The following FARP1 variants were observed in gnomAD, a reference collection of about 807,000 sequenced individuals.
FARP1 encodes the protein FERM, ARHGEF and pleckstrin domain-containing protein 1.
Under a neutral mutation model 128.8 loss-of-function variants are expected in FARP1, and 52 were observed. That is an observed-to-expected ratio of 0.40 (90% CI 0.32 to 0.51). FARP1 has a LOEUF of 0.51. Among genes scored for constraint, FARP1 ranks in the 20% least tolerant of loss-of-function variants. The probability of loss-of-function intolerance (pLI) is 0.45; values close to 1 mark genes in which losing one functional copy is unlikely to be tolerated. For missense variants in FARP1, 1,333 were observed against 1,367.9 expected (o/e 0.97, Z 0.40); for synonymous variants, 580 against 551.8 (o/e 1.05, Z -0.72).
intron 2 of FARP1, among the ~76,000 whole-genome samples, chr13:98,339,922 T>G (rs1887894789): frequency 1.3e-5 from 2 of 152,148 alleles, no homozygotes; most frequent in African/African-American, 2.4e-5. Flanking sequence ...CTGCAGGTTC[T>G]AGGACTCAAC....
chr13:98,243,368 A>C (rs1023019014), intron 2 of FARP1, among the ~76,000 whole-genome samples: 1 of 152,076 alleles, frequency 6.6e-6, no homozygotes, highest in African/African-American at 2.4e-5. Flanking sequence ...TTATGAAGAG[A>C]GACTTCTTTT....
intron 2 of FARP1, among the ~76,000 whole-genome samples, chr13:98,237,197 G>A (rs1214708810): frequency 2.6e-5 from 4 of 151,454 alleles, no homozygotes; most frequent in Admixed American, 6.6e-5. Context: ...CCAGGTACTC[G>A]GGAGGCTGAG....
intron 2 of FARP1, among the ~76,000 whole-genome samples, chr13:98,284,676 C>G (rs1202082935): frequency 6.6e-6 from 1 of 152,126 alleles, no homozygotes; most frequent in African/African-American, 2.4e-5. Flanking sequence ...CCCTTTGTCC[C>G]TCAATGTTTT....
chr13:98,142,723 GA>G (rs1027530465), upstream of FARP1: 19 of 152,698 alleles, frequency 1.2e-4, no homozygotes, highest in African/African-American at 4.6e-4. Flanking sequence ...CCGAGCCCCT[GA>G]CCGCCCGCCT....
intron 1 of FARP1, among the ~76,000 whole-genome samples, chr13:98,151,937 C>T (rs1284381762): frequency 6.6e-6 from 1 of 152,064 alleles, no homozygotes; most frequent in East Asian, 1.9e-4. Flanking sequence ...GCTGGGATTA[C>T]AGGTGTGAGC....
At chr13:98,184,017 G>A (rs921317637) in intron 1 of FARP1, among the ~76,000 whole-genome samples, 2 of 151,994 alleles carry the variant, frequency 1.3e-5, no homozygotes, top group African/African-American at 4.8e-5. Flanking sequence ...ACATCCACAT[G>A]GTTTCTCCTT....
intron 1 of FARP1, chr13:98,208,641 G>GGACC (rs1398673170): frequency 6.5e-6 from 1 of 152,952 alleles, no homozygotes. Context: ...AGGCTTTGAT[G>GGACC]GACCGTAGGT....
rs565509416 is a variant in FARP1, at chr13:98,240,230, T to C, written c.171+26817T>C. Among the ~76,000 whole-genome samples the C allele has an allele frequency of 2.0e-5, 3 of 152,246 alleles. No homozygotes were observed. In the South Asian group the frequency reaches 6.2e-4, roughly 32 times the overall value. Reference sequence around the variant, plus strand: ...GGTAGACGCACGTTTTTTGGGACTTTTGGAAAAGGAACACGCGATGACGAA... The same window carrying C: ...GGTAGACGCACGTTTTTTGGGACTTCTGGAAAAGGAACACGCGATGACGAA... On this transcript the variant is annotated intron_variant, in intron 2 of 26. Coordinates refer to ENST00000319562, the MANE Select transcript of FARP1 (RefSeq NM_005766.4).
rs116133304 is a variant in FARP1, at chr13:98,367,532, A to G, written c.320-585A>G. 7.3e-4 allele frequency among the ~76,000 whole-genome samples: 110 copies of G among 150,702 alleles called. 1 individual carries two copies. Among genetic ancestry groups the G allele is most frequent in the African/African-American group, 2.5e-3 (101 of 40,968 alleles). ...TCTGAAAAGTTGTTCATCTTATTCA[A>G]TCTCTCCCTCCCCTCACTCCCTATC... On this transcript the variant is annotated intron_variant, in intron 4 of 26. Coordinates refer to ENST00000319562, the MANE Select transcript of FARP1 (RefSeq NM_005766.4).
At chr13:98,228,080 C>T (rs951420324) in intron 2 of FARP1, among the ~76,000 whole-genome samples, 8 of 152,104 alleles carry the variant, frequency 5.3e-5, no homozygotes, top group East Asian at 1.9e-4. Context: ...TAAAATGGGC[C>T]GGGCGTGGTG....
intron 8 of FARP1, among the ~76,000 whole-genome samples, chr13:98,386,705 T>C (rs1942383093): frequency 6.6e-6 from 1 of 152,160 alleles, no homozygotes; most frequent in Admixed American, 6.5e-5. Flanking sequence ...TCTCATGAAA[T>C]AGGATCAGAT....
chr13:98,252,744 C>G (rs1199998210), intron 2 of FARP1, among the ~76,000 whole-genome samples: 2 of 152,150 alleles, frequency 1.3e-5, no homozygotes, highest in Non-Finnish European at 2.9e-5. Context: ...GGATGTAAGT[C>G]AATGTCAAAG....
chr13:98,189,026 G>A (rs989872777), intron 1 of FARP1, among the ~76,000 whole-genome samples: 1 of 152,168 alleles, frequency 6.6e-6, no homozygotes, highest in Non-Finnish European at 1.5e-5. Context: ...CTCAGGGCAG[G>A]AGTGTCTTTC....
intron 6 of FARP1, among the ~76,000 whole-genome samples, chr13:98,379,236 A>ATAATATATAATCT (rs1187799069): frequency 8.8e-5 from 11 of 125,604 alleles, no homozygotes; most frequent in African/African-American, 3.1e-4. Flanking sequence ...ATCTATATAT[A>ATAATATATAATCT]ATCTATATAT....
At chr13:98,305,116 A>ATTT (rs912492212) in intron 2 of FARP1, among the ~76,000 whole-genome samples, 1,662 of 24,468 alleles carry the variant, frequency 0.068, 25 homozygotes, top group East Asian at 0.28. Flanking sequence ...ATATATATAT[A>ATTT]TATTTTTTAA....
At chr13:98,202,950 C>T (rs573270753) in intron 1 of FARP1, among the ~76,000 whole-genome samples, 4 of 152,194 alleles carry the variant, frequency 2.6e-5, no homozygotes, top group South Asian at 2.1e-4. Context: ...AAACTACTGG[C>T]CTCAAGTGAT....
At chr13:98,394,299 G>A (rs1890426541) in intron 12 of FARP1, among the ~76,000 whole-genome samples, 1 of 152,216 alleles carries the variant, frequency 6.6e-6, no homozygotes, top group Non-Finnish European at 1.5e-5. Context: ...GAAACTTGGG[G>A]AAGAATATAA....
At chr13:98,181,795 A>G (rs1159127358) in intron 1 of FARP1, among the ~76,000 whole-genome samples, 2 of 151,980 alleles carry the variant, frequency 1.3e-5, no homozygotes, top group East Asian at 1.9e-4. Flanking sequence ...TGCCTGGCCA[A>G]TGATGTTGGT....
chr13:98,289,389 C>T (rs1157088004), intron 2 of FARP1, among the ~76,000 whole-genome samples: 1 of 152,198 alleles, frequency 6.6e-6, no homozygotes, highest in Non-Finnish European at 1.5e-5. Flanking sequence ...TCTGGTGTCT[C>T]CGTATACTCA....
Sources: gnomAD v4.1 joint callset for allele counts (sites outside exome capture counted in the v4.1 genomes callset) on GRCh38, gnomAD v4.1.1 for gene constraint, MANE v1.5 for transcripts, NCBI Gene and HGNC (gene_info 2026-07-23, HGNC 2026-07-21) for gene names.